Variants in ANKRD17 observed in about 807,000 individuals in gnomAD.
ANKRD17 encodes ankyrin repeat domain 17.
ANKRD17 carries 19 observed loss-of-function variants against 229.7 expected under a neutral mutation model. The observed-to-expected ratio is 0.08, with a 90% confidence interval of 0.06 to 0.12. The LOEUF (loss-of-function observed/expected upper bound fraction) is 0.12. ANKRD17 is among the 10% of genes least tolerant of loss of function. The probability of loss-of-function intolerance (pLI) is 1.00; values close to 1 mark genes in which losing one functional copy is unlikely to be tolerated. For synonymous variants in ANKRD17, 1,112 were observed against 1,146.1 expected (o/e 0.97, Z 0.60); for missense variants, 2,176 against 3,176.8 (o/e 0.68, Z 7.57).
At chr4:73,219,671 TAG>T (rs1173527731) in intron 1 of ANKRD17, among the ~76,000 whole-genome samples, 1 of 152,146 alleles carries the variant, frequency 6.6e-6, no homozygotes, top group African/African-American at 2.4e-5. Flanking sequence ...GACAGAACCA[TAG>T]AGAGTTGGCA....
chr4:73,114,159 A>G (rs567508226), intron 23 of ANKRD17, among the ~76,000 whole-genome samples: 5 of 152,338 alleles, frequency 3.3e-5, no homozygotes, highest in South Asian at 2.1e-4. Context: ...TTCAGAAACT[A>G]AAGTCATTTA....
chr4:73,088,236 GGAA>G (rs1722404444), intron 29 of ANKRD17, among the ~76,000 whole-genome samples: 1 of 152,072 alleles, frequency 6.6e-6, no homozygotes. Context: ...AAATGAATTA[GGAA>G]GAAGTAGAGA....
chr4:73,150,581 CAAT>C (rs1380137165), intron 7 of ANKRD17, among the ~76,000 whole-genome samples: 1 of 152,052 alleles, frequency 6.6e-6, no homozygotes, highest in Non-Finnish European at 1.5e-5. Context: ...ACTAAGATGG[CAAT>C]AAGGAAAACA....
At chr4:73,127,258 G>C (rs1477880483) in intron 16 of ANKRD17, among the ~76,000 whole-genome samples, 2 of 152,146 alleles carry the variant, frequency 1.3e-5, no homozygotes. Context: ...CACTCCAGCT[G>C]TAAGTCTAAC....
rs1260305843 is a variant in ANKRD17 at position 73,125,212 on chromosome 4, C to T, written c.3335G>A (p.Arg1112Gln). 1.9e-6 allele frequency: 3 copies of T among 1,603,276 alleles called. No homozygotes were observed. The highest frequency in any genetic ancestry group is 1.8e-5 in the Admixed American group (1 of 56,560). ...LLERGASIEHRDKKGFTPLIL... is the reference protein window; with the variant it reads ...LLERGASIEHQDKKGFTPLIL... ...AAAGTAGGCCCTACCTTTCTTGTCT[C>T]GGTGCTCTATACTAGCTCCTCTCTC... Residue 1112 changes from arginine to glutamine, a missense_variant, in exon 17 of 34, where the codon CGA becomes CAA. Coordinates refer to ENST00000358602, the MANE Select transcript of ANKRD17 (RefSeq NM_032217.5).
chr4:73,158,535 A>C lies in ANKRD17; in HGVS notation c.705-2369T>G, dbSNP rs556708810. On this transcript the variant is annotated intron_variant, in intron 3 of 33. Coordinates refer to ENST00000358602, the MANE Select transcript of ANKRD17 (RefSeq NM_032217.5). ...GTCTTTCCTAGAAAGCCACCATTTT[A>C]AGTGAGGACTTCTCTGACCACGCTA... Among the ~76,000 whole-genome samples, 83 of 151,596 alleles carry C rather than the reference A, an allele frequency of 5.5e-4. 1 individual carries two copies. The South Asian group carries it at 0.016, about 30-fold the overall frequency.
At chr4:73,085,213 G>A in intron 30 of ANKRD17, 36 bp downstream of exon 30, 1 of 1,590,068 alleles carries the variant, frequency 6.3e-7, no homozygotes, top group Non-Finnish European at 8.6e-7. Context: ...GAAAACATAT[G>A]CAGATTCTTA....
intron 1 of ANKRD17, among the ~76,000 whole-genome samples, chr4:73,244,374 T>A (rs1476237335): frequency 6.6e-6 from 1 of 152,130 alleles, no homozygotes; most frequent in Non-Finnish European, 1.5e-5. Flanking sequence ...AGCTGTCCAA[T>A]AAAACTTTCT....
chr4:73,162,755 T>C (rs1306718856), intron 2 of ANKRD17, among the ~76,000 whole-genome samples: 1 of 152,182 alleles, frequency 6.6e-6, no homozygotes, highest in Non-Finnish European at 1.5e-5. Context: ...GATATCCCTA[T>C]AAAGCATGCA....
rs374638202 is a variant in ANKRD17, at chr4:73,121,004, A to T, written c.3726T>A (p.Ser1242=). 2.5e-6 allele frequency: 4 copies of T among 1,613,832 alleles called. No homozygotes were observed. Among genetic ancestry groups the T allele is most frequent in the Non-Finnish European group, 3.4e-6 (4 of 1,179,924 alleles). ...AAVKLLLDMG[S]DINAQIETNR... Reference sequence around the variant, plus strand: ...TGGTTTCTATCTGAGCATTTATGTCAGAGCCCATGTCTAACAGGAGCTTAA... The same window carrying T: ...TGGTTTCTATCTGAGCATTTATGTCTGAGCCCATGTCTAACAGGAGCTTAA... The change falls in exon 20 of 34, where the codon TCT becomes TCA. Residue 1242 remains serine (S), a synonymous_variant. Coordinates refer to ENST00000358602, the MANE Select transcript of ANKRD17 (RefSeq NM_032217.5).
chr4:73,136,980 GT>G (rs33966935), intron 15 of ANKRD17, among the ~76,000 whole-genome samples: 53,423 of 130,960 alleles, frequency 0.41, 10,374 homozygotes, highest in Non-Finnish European at 0.43. Context: ...AAATTACAGA[GT>G]TTTTTTTTTT....
chr4:73,254,989 G>A (rs1745334917), intron 1 of ANKRD17, among the ~76,000 whole-genome samples: 2 of 152,078 alleles, frequency 1.3e-5, no homozygotes, highest in South Asian at 4.1e-4. Flanking sequence ...TTCCATATTG[G>A]TCAGTCACTC....
chr4:73,104,734 A>T (rs199803536), intron 24 of ANKRD17, among the ~76,000 whole-genome samples: 25 of 151,044 alleles, frequency 1.7e-4, no homozygotes, highest in East Asian at 1.4e-3. Context: ...GCTAATTATG[A>T]CTGCTATTTA....
chr4:73,233,226 C>T (rs1020565240), intron 1 of ANKRD17, among the ~76,000 whole-genome samples: 1 of 151,916 alleles, frequency 6.6e-6, no homozygotes, highest in Non-Finnish European at 1.5e-5. Flanking sequence ...CTTGATTCAC[C>T]AAATTTTATA....
intron 1 of ANKRD17, among the ~76,000 whole-genome samples, chr4:73,235,506 T>C (rs903013500): frequency 2.6e-5 from 4 of 152,214 alleles, no homozygotes; most frequent in African/African-American, 7.2e-5. Flanking sequence ...TTGACTAATA[T>C]AATAACATCT....
intron 1 of ANKRD17, among the ~76,000 whole-genome samples, chr4:73,205,859 C>T (rs776705232): frequency 1.3e-5 from 2 of 151,906 alleles, no homozygotes; most frequent in African/African-American, 2.4e-5. Context: ...GGGGTTAATG[C>T]CAAAAACACA....
intron 1 of ANKRD17, among the ~76,000 whole-genome samples, chr4:73,218,470 C>G (rs867214905): frequency 2.0e-5 from 3 of 151,822 alleles, no homozygotes; most frequent in African/African-American, 7.3e-5. Context: ...TGGAGAAACC[C>G]CATCTCTACT....
intron 1 of ANKRD17, among the ~76,000 whole-genome samples, chr4:73,189,731 A>G (rs1578330924): frequency 6.6e-6 from 1 of 151,966 alleles, no homozygotes; most frequent in African/African-American, 2.4e-5. Context: ...TTTCTACCAC[A>G]CCATCCTCTT....
At chr4:73,101,573 G>A (rs576813089) in intron 25 of ANKRD17, among the ~76,000 whole-genome samples, 90 of 148,130 alleles carry the variant, frequency 6.1e-4, no homozygotes, top group African/African-American at 2.1e-3. Flanking sequence ...GCTAAGGTGG[G>A]AGAATAGCTT....
Sources: gnomAD v4.1 joint callset for allele counts (sites outside exome capture counted in the v4.1 genomes callset) on GRCh38, gnomAD v4.1.1 for gene constraint, MANE v1.5 for transcripts, NCBI Gene and HGNC (gene_info 2026-07-23, HGNC 2026-07-21) for gene names.